SLC35D1: variants seen among roughly 807,000 people sequenced by gnomAD.
The protein encoded by SLC35D1 is nucleotide sugar transporter SLC35D1.
Under a neutral mutation model 46.7 loss-of-function variants are expected in SLC35D1, and 31 were observed. The ratio of observed to expected loss-of-function variants is 0.66; its 90% CI spans 0.50 to 0.90. The LOEUF is 0.90. Among genes scored for constraint, SLC35D1 ranks in the 40% least tolerant of loss-of-function variants. The pLI is 0.00. For missense variants in SLC35D1, 397 were observed against 426.2 expected (o/e 0.93, Z 0.60); for synonymous variants, 195 against 164.6 (o/e 1.18, Z -1.41).
chr1:67,038,645 C>T (rs1668173360), intron 8 of SLC35D1, among the ~76,000 whole-genome samples: 1 of 152,132 alleles, frequency 6.6e-6, no homozygotes, highest in South Asian at 2.1e-4. Flanking sequence ...GTCCACTCTG[C>T]CTTTATCTAT....
At chr1:66,975,074 G>A in the SLC35D1 span, among the ~76,000 whole-genome samples, 5 of 152,212 alleles carry the variant, frequency 3.3e-5, no homozygotes, top group South Asian at 2.1e-4. Flanking sequence ...CAGTGCAAAC[G>A]GGAAGAAAGC....
chr1:67,049,877 A>G, intron 5 of SLC35D1, 27 bp from the exon 6 acceptor site: 1 of 1,527,796 alleles, frequency 6.5e-7, no homozygotes, highest in Non-Finnish European at 9.1e-7. Context: ...TTTAAAATAC[A>G]CACATGACTT....
chr1:67,026,280 A>G (rs1389889983), intron 8 of SLC35D1, among the ~76,000 whole-genome samples: 1 of 152,170 alleles, frequency 6.6e-6, no homozygotes, highest in East Asian at 1.9e-4. Flanking sequence ...TAGTTCTACT[A>G]TATTCTTGTT....
Position 66,999,617 on chromosome 1 carries a change from A to C in SLC35D1, c.*4723T>G, listed in dbSNP as rs1667289097. On this transcript the variant is annotated 3_prime_UTR_variant, in exon 12 of 12. Coordinates refer to ENST00000235345, the MANE Select transcript of SLC35D1 (RefSeq NM_015139.3). ...ATTTGTGAAAAAAATAATCTCTAAAAACATTTTTGTGAGACAATAAATCTA... is the reference window on the plus strand; with the variant it reads ...ATTTGTGAAAAAAATAATCTCTAAACACATTTTTGTGAGACAATAAATCTA... The C allele has an allele frequency of 6.6e-6, 1 of 152,312 alleles. No homozygotes were observed. Among genetic ancestry groups the C allele is most frequent in the Non-Finnish European group, 1.5e-5 (1 of 68,052 alleles). The allele number at this position is 152,312 out of a possible 1,614,324, so 9.4% of individuals were successfully genotyped here.
chr1:66,992,382 T>A, the SLC35D1 span, among the ~76,000 whole-genome samples: 144 of 152,256 alleles, frequency 9.5e-4, no homozygotes, highest in East Asian at 6.9e-3. Context: ...CCTTGCACAC[T>A]CTGAGCCTTC....
downstream of SLC35D1, among the ~76,000 whole-genome samples, chr1:66,994,592 C>T (rs769663565): frequency 7.9e-5 from 12 of 151,298 alleles, no homozygotes; most frequent in Non-Finnish European, 1.6e-4. Flanking sequence ...TGCAGTGAGC[C>T]GAGATCGCGC....
At chr1:66,997,519 A>AAAAAAAAT (rs1553262615), downstream of SLC35D1, among the ~76,000 whole-genome samples, 1 of 74,070 alleles carries the variant, frequency 1.4e-5, no homozygotes, top group East Asian at 4.1e-4. Flanking sequence ...AAAAAAAAAA[A>AAAAAAAAT]ATATATATAT....
chr1:67,008,985 A>T, intron 11 of SLC35D1, 100 bp downstream of exon 11: 1 of 611,078 alleles, frequency 1.6e-6, no homozygotes, highest in Non-Finnish European at 3.1e-6. Context: ...TATGTTTAAT[A>T]ATGAATAAAT....
chr1:67,006,555 T>C (rs1667451031), intron 11 of SLC35D1, among the ~76,000 whole-genome samples: 1 of 152,202 alleles, frequency 6.6e-6, no homozygotes, highest in African/African-American at 2.4e-5. Flanking sequence ...GATGTTCACA[T>C]TAATCCTATT....
the SLC35D1 span, among the ~76,000 whole-genome samples, chr1:66,992,534 C>T: frequency 6.6e-6 from 1 of 152,342 alleles, no homozygotes; most frequent in South Asian, 2.1e-4. Flanking sequence ...GGAAAAATGA[C>T]TTGTCCGAGG....
intron 8 of SLC35D1, among the ~76,000 whole-genome samples, chr1:67,038,119 A>C (rs1404320127): frequency 1.3e-5 from 2 of 152,190 alleles, no homozygotes; most frequent in Non-Finnish European, 2.9e-5. Flanking sequence ...AGAATAATTG[A>C]TCCAACCCAC....
At chr1:66,994,944 C>T (rs1296957883), downstream of SLC35D1, among the ~76,000 whole-genome samples, 1 of 142,652 alleles carries the variant, frequency 7.0e-6, no homozygotes, top group Admixed American at 6.9e-5. Context: ...AAAGAAGAAA[C>T]AACTTTAAAA....
chr1:67,037,489 G>A (rs184431879), intron 8 of SLC35D1, among the ~76,000 whole-genome samples: 59 of 146,656 alleles, frequency 4.0e-4, no homozygotes, highest in African/African-American at 1.4e-3. Flanking sequence ...CTAGACTCCT[G>A]TCTTGGTAAA....
chr1:67,034,017 T>C (rs1391963865), intron 8 of SLC35D1, among the ~76,000 whole-genome samples: 1 of 152,184 alleles, frequency 6.6e-6, no homozygotes, highest in Non-Finnish European at 1.5e-5. Context: ...TAGTTCTGTG[T>C]TCTATTCAGA....
chr1:66,978,581 GAT>G, the SLC35D1 span, among the ~76,000 whole-genome samples: 1 of 152,162 alleles, frequency 6.6e-6, no homozygotes, highest in Non-Finnish European at 1.5e-5. Context: ...CTAGTCTGCA[GAT>G]ATATCTTAAA....
intron 8 of SLC35D1, 33 bp downstream of exon 8, chr1:67,042,203 G>T: frequency 6.5e-7 from 1 of 1,538,226 alleles, no homozygotes; most frequent in Non-Finnish European, 9.0e-7. Context: ...GTTCATCAAC[G>T]TAAGCCATTA....
chr1:66,990,868 T>G, the SLC35D1 span, among the ~76,000 whole-genome samples: 1 of 152,324 alleles, frequency 6.6e-6, no homozygotes, highest in South Asian at 2.1e-4. Context: ...GTAAGCCTCC[T>G]GAAGGGGAGG....
At chr1:67,023,028 C>T (rs1258880313) in intron 8 of SLC35D1, among the ~76,000 whole-genome samples, 1 of 152,106 alleles carries the variant, frequency 6.6e-6, no homozygotes, top group Non-Finnish European at 1.5e-5. Flanking sequence ...ATTTTTATTG[C>T]CAATTAGTAT....
the SLC35D1 span, among the ~76,000 whole-genome samples, chr1:66,992,261 A>G: frequency 1.3e-5 from 2 of 152,156 alleles, no homozygotes; most frequent in African/African-American, 4.8e-5. Context: ...TGGCTTTCAA[A>G]TTTTTGCTGG....
Sources: allele counts gnomAD v4.1 joint callset (sites outside exome capture counted in the v4.1 genomes callset), GRCh38; gene constraint gnomAD v4.1.1; transcripts MANE v1.5; gene names NCBI Gene and HGNC (gene_info 2026-07-23, HGNC 2026-07-21).